The following HS6ST1 variants were observed in gnomAD, a reference collection of about 807,000 sequenced individuals.
The protein encoded by HS6ST1 is heparan sulfate 6-O-sulfotransferase 1.
HS6ST1 carries 3 observed loss-of-function variants against 25.2 expected under a neutral mutation model. The observed-to-expected ratio is 0.12, with a 90% CI of 0.05 to 0.31. HS6ST1 has a LOEUF of 0.31. Among genes scored for constraint, HS6ST1 ranks in the 10% least tolerant of loss-of-function variants. The pLI is 1.00. For missense variants in HS6ST1, 310 were observed against 609.6 expected, an observed-to-expected ratio of 0.51 and a Z score of 5.18; for synonymous variants, 204 against 275.1, an observed-to-expected ratio of 0.74 and a Z score of 2.56.
intron 1 of HS6ST1, among the ~76,000 whole-genome samples, chr2:128,274,734 T>C (rs1025118477): frequency 1.2e-4 from 18 of 152,172 alleles, no homozygotes; most frequent in South Asian, 2.1e-4. Flanking sequence ...CCCAACACTT[T>C]GGGAGGCCGA....
At chr2:128,298,315 T>TA (rs1419178388) in intron 1 of HS6ST1, among the ~76,000 whole-genome samples, 1 of 152,188 alleles carries the variant, frequency 6.6e-6, no homozygotes, top group Non-Finnish European at 1.5e-5. Flanking sequence ...ATTCCTCTTT[T>TA]AGATATATTC....
chr2:128,280,829 G>A (rs1558871109), intron 1 of HS6ST1, among the ~76,000 whole-genome samples: 1 of 152,200 alleles, frequency 6.6e-6, no homozygotes, highest in African/African-American at 2.4e-5. Flanking sequence ...GGAAGGCTGT[G>A]CTGCCCACAC....
intron 1 of HS6ST1, among the ~76,000 whole-genome samples, chr2:128,271,460 T>C (rs539927257): frequency 6.6e-6 from 1 of 152,266 alleles, no homozygotes; most frequent in South Asian, 2.1e-4. Flanking sequence ...CACCTGGGAA[T>C]GCATGCAGGC....
In HS6ST1 at chr2:128,305,493, C is replaced by T. The variant is rs705050; in HGVS notation, c.527+12544G>A. Among the ~76,000 whole-genome samples, 633 of 152,314 alleles carry T rather than the reference C, an allele frequency of 4.2e-3. 9 individuals carry two copies. The highest frequency in any genetic ancestry group is 0.014 in the African/African-American group (566 of 41,570). On this transcript the variant is annotated intron_variant, in intron 1 of 1. Coordinates refer to ENST00000259241, the MANE Select transcript of HS6ST1 (RefSeq NM_004807.3). The stretch of plus-strand genomic sequence containing the variant: ...GGAACAGAGGCAGAAGAGGAGGGGC[C>T]GAGCCCCTCCAACCGGGAGCCCTGG...
intron 1 of HS6ST1, among the ~76,000 whole-genome samples, chr2:128,299,684 G>A (rs1029085976): frequency 2.6e-5 from 4 of 152,222 alleles, no homozygotes; most frequent in African/African-American, 9.6e-5. Context: ...CTGGGGCACA[G>A]AGGGTAATCA....
rs747694243 is a variant in HS6ST1, at chr2:128,268,889, A to G, written c.528-19T>C. ...GAACTTCCTGCAAGGAGACGGGGAG[A>G]GGAGGTGAGGGCTGTGACGCAGCAT... On this transcript the variant is annotated intron_variant, in intron 1 of 1. Coordinates refer to ENST00000259241, the MANE Select transcript of HS6ST1 (RefSeq NM_004807.3). The G allele has an allele frequency of 1.3e-6, 2 of 1,592,174 alleles. No individual in the cohort carries two copies. Among genetic ancestry groups the G allele is most frequent in the Admixed American group, 3.3e-5 (2 of 59,986 alleles).
intron 1 of HS6ST1, among the ~76,000 whole-genome samples, chr2:128,301,681 AG>A (rs1400351810): frequency 6.6e-6 from 1 of 152,136 alleles, no homozygotes; most frequent in African/African-American, 2.4e-5. Context: ...CGTGTGTGGG[AG>A]AGCGTGCGTG....
At chr2:128,316,381 T>C (rs1694362644) in intron 1 of HS6ST1, among the ~76,000 whole-genome samples, 1 of 152,192 alleles carries the variant, frequency 6.6e-6, no homozygotes, top group Non-Finnish European at 1.5e-5. Flanking sequence ...CCCCCATCCT[T>C]GCACCCCCCA....
At chr2:128,294,911 C>G (rs1043236087) in intron 1 of HS6ST1, among the ~76,000 whole-genome samples, 1 of 152,106 alleles carries the variant, frequency 6.6e-6, no homozygotes, top group African/African-American at 2.4e-5. Flanking sequence ...CCCAGAGAGG[C>G]TCCAAGGAAC....
At chr2:128,298,660 G>A (rs558775941) in intron 1 of HS6ST1, among the ~76,000 whole-genome samples, 1 of 152,234 alleles carries the variant, frequency 6.6e-6, no homozygotes, top group South Asian at 2.1e-4. Flanking sequence ...TGGAGGGAGG[G>A]GAATGAGGAG....
intron 1 of HS6ST1, among the ~76,000 whole-genome samples, chr2:128,310,985 G>C (rs1458972462): frequency 7.5e-6 from 1 of 132,640 alleles, no homozygotes; most frequent in Non-Finnish European, 1.6e-5. Flanking sequence ...TGTGCTTTCT[G>C]AGTGCTGCTT....
At chr2:128,280,692 C>A (rs1693772993) in intron 1 of HS6ST1, among the ~76,000 whole-genome samples, 1 of 152,038 alleles carries the variant, frequency 6.6e-6, no homozygotes, top group Non-Finnish European at 1.5e-5. Flanking sequence ...GAAGAGTAGT[C>A]AGATTTTTTT....
intron 1 of HS6ST1, among the ~76,000 whole-genome samples, chr2:128,287,683 A>G (rs1693885522): frequency 6.6e-6 from 1 of 152,134 alleles, no homozygotes; most frequent in Non-Finnish European, 1.5e-5. Flanking sequence ...TGGGAGCTTG[A>G]CCCTGTCCAA....
chr2:128,300,895 C>T (rs1160380607), intron 1 of HS6ST1, among the ~76,000 whole-genome samples: 1 of 152,234 alleles, frequency 6.6e-6, no homozygotes, highest in East Asian at 1.9e-4. Flanking sequence ...AAGGGAGAGC[C>T]GCCACCGTGT....
rs763064067 is a variant in HS6ST1 at position 128,318,360 on chromosome 2, G to A, written c.204C>T (p.Tyr68=). 1.4e-5 allele frequency: 22 copies of A among 1,612,220 alleles called. No homozygotes were observed. The highest frequency in any genetic ancestry group is 5.0e-5 in the Admixed American group (3 of 59,990). ...GCTCCAGCTCGCGGACCGGGAAGTAGTACTTCTTCTCGTAGTGGGGGTCGG... is the reference window on the plus strand; with the variant it reads ...GCTCCAGCTCGCGGACCGGGAAGTAATACTTCTTCTCGTAGTGGGGGTCGG... The part of the protein sequence containing the change: ...PTPDPHYEKK[Y]YFPVRELERS... Residue 68 remains tyrosine (Y), a synonymous_variant, in exon 1 of 2, where the codon TAC becomes TAT. Coordinates refer to ENST00000259241, the MANE Select transcript of HS6ST1 (RefSeq NM_004807.3). The surrounding 1 kb of genome is among the most constrained non-coding windows in gnomAD (Gnocchi z 5.7).
At chr2:128,317,997 G>T in intron 1 of HS6ST1, 40 bp downstream of exon 1, 1 of 1,410,608 alleles carries the variant, frequency 7.1e-7, no homozygotes, top group Non-Finnish European at 9.1e-7. Context: ...CCGGCCTCGG[G>T]GGCGCAGCTG....
intron 1 of HS6ST1, among the ~76,000 whole-genome samples, chr2:128,291,335 G>C (rs1693949699): frequency 6.6e-6 from 1 of 152,242 alleles, no homozygotes; most frequent in Admixed American, 6.5e-5. Flanking sequence ...CCTGGGTCCA[G>C]AGCACCCCAT....
chr2:128,314,631 G>A (rs990891855), intron 1 of HS6ST1, among the ~76,000 whole-genome samples: 4 of 152,192 alleles, frequency 2.6e-5, no homozygotes, highest in Non-Finnish European at 4.4e-5. Flanking sequence ...TCAGGATCAC[G>A]GAGGGCAGGT....
chr2:128,316,710 T>G (rs1438721008), intron 1 of HS6ST1, among the ~76,000 whole-genome samples: 1 of 149,966 alleles, frequency 6.7e-6, no homozygotes, highest in Non-Finnish European at 1.5e-5. Context: ...TGTGTGTGGG[T>G]GTGTGTGTGT....
Sources: allele counts gnomAD v4.1 joint callset (sites outside exome capture counted in the v4.1 genomes callset), GRCh38; gene constraint gnomAD v4.1.1; non-coding constraint Gnocchi (gnomAD v3.1); transcripts MANE v1.5; gene names NCBI Gene and HGNC (gene_info 2026-07-23, HGNC 2026-07-21).